BRWD1: variants seen among roughly 807,000 people sequenced by gnomAD.
BRWD1 encodes the protein bromodomain and WD repeat domain containing 1.
In BRWD1, 82 loss-of-function variants were observed where a neutral mutation model predicts 251.2. That is an observed-to-expected ratio of 0.33 (90% confidence interval 0.27 to 0.39). BRWD1 has a LOEUF of 0.39. Among genes scored for constraint, BRWD1 ranks in the 10% least tolerant of loss-of-function variants. The pLI is 1.00. For synonymous variants in BRWD1, 918 were observed against 902.8 expected (o/e 1.02, Z -0.30); for missense variants, 2,233 against 2,711.6 (o/e 0.82, Z 3.92).
At chr21:39,200,951 T>A (rs1346415746) in intron 38 of BRWD1, among the ~76,000 whole-genome samples, 2 of 152,196 alleles carry the variant, frequency 1.3e-5, no homozygotes, top group Non-Finnish European at 2.9e-5. Flanking sequence ...GCCACTGCAC[T>A]CCAGCCTGGG....
At chr21:39,204,630 C>T (rs2032302606) in intron 37 of BRWD1, among the ~76,000 whole-genome samples, 1 of 152,140 alleles carries the variant, frequency 6.6e-6, no homozygotes, top group Non-Finnish European at 1.5e-5. Context: ...TCACATTATT[C>T]TCTACATAGC....
intron 4 of BRWD1, among the ~76,000 whole-genome samples, chr21:39,306,446 G>A (rs542940063): frequency 6.6e-6 from 1 of 152,248 alleles, no homozygotes; most frequent in South Asian, 2.1e-4. Context: ...ATGTATACGA[G>A]TGGTAAAGAC....
chr21:39,274,231 T>C (rs2035206873), intron 13 of BRWD1, 143 bp downstream of exon 13: 1 of 646,630 alleles, frequency 1.5e-6, no homozygotes, highest in Non-Finnish European at 2.7e-6. Context: ...GCTATTCACT[T>C]ATACCACAGC....
At chr21:39,222,237 T>C (rs940821505) in intron 29 of BRWD1, among the ~76,000 whole-genome samples, 3 of 152,286 alleles carry the variant, frequency 2.0e-5, no homozygotes, top group African/African-American at 7.2e-5. Flanking sequence ...CACATGATAT[T>C]CACAGGAGGA....
At chr21:39,298,653 T>C in intron 4 of BRWD1, 71 bp from the exon 5 acceptor site, 1 of 1,289,018 alleles carries the variant, frequency 7.8e-7, no homozygotes, top group Non-Finnish European at 1.0e-6. Flanking sequence ...TAGGGATAAG[T>C]CTGGCAAAAT....
chr21:39,237,033 A>T (rs1045397060), intron 22 of BRWD1, among the ~76,000 whole-genome samples: 9 of 152,200 alleles, frequency 5.9e-5, no homozygotes, highest in Admixed American at 3.9e-4. Context: ...ACCCGAAAAA[A>T]AAAATTTAGG....
chr21:39,295,847 G>T lies in BRWD1; in HGVS notation c.505C>A (p.Pro169Thr). Residue 169 changes from proline (P) to threonine (T), a missense_variant, in exon 7 of 41, where the codon CCA becomes ACA. By Grantham distance (38) the Pro-to-Thr change is conservative (BLOSUM62 -1). Coordinates refer to ENST00000342449, the MANE Select transcript of BRWD1 (RefSeq NM_033656.4). ...TGCSTFSTAF[P>T]GTMYQHIKMH... The stretch of plus-strand genomic sequence containing the variant: ...TTTATATGCTGATACATAGTTCCTG[G>T]AAATGCTGTACTAAAAGTGGAACAC... 2 of 1,609,332 alleles carry T rather than the reference G, an allele frequency of 1.2e-6. No homozygotes were observed. Among genetic ancestry groups the T allele is most frequent in the Non-Finnish European group, 1.7e-6 (2 of 1,177,136 alleles).
At chr21:39,267,997 G>A (rs1246113094) in intron 15 of BRWD1, among the ~76,000 whole-genome samples, 1 of 152,148 alleles carries the variant, frequency 6.6e-6, no homozygotes, top group African/African-American at 2.4e-5. Context: ...CACACAGCAG[G>A]TAGCCCCTGA....
chr21:39,260,895 C>T (rs905746078), intron 17 of BRWD1, among the ~76,000 whole-genome samples: 4 of 152,192 alleles, frequency 2.6e-5, no homozygotes, highest in African/African-American at 9.7e-5. Context: ...CTCCAAAGAT[C>T]TGTAATGAGG....
In BRWD1 at chr21:39,189,513, A is replaced by T. The variant is rs543553249; in HGVS notation, c.*6746T>A. On this transcript the variant is annotated 3_prime_UTR_variant, in exon 41 of 41. Coordinates refer to ENST00000342449, the MANE Select transcript of BRWD1 (RefSeq NM_033656.4). ...AAAAAACTAAAATCAGGTTTTTAAA[A>T]AATACTTAAGGAAATTTGAACTTCA... The T allele has an allele frequency of 1.3e-5, 13 of 982,208 alleles. No individual in the cohort carries two copies. In the African/African-American group the frequency reaches 2.3e-4, roughly 17 times the overall value. The allele number at this position is 982,208 out of a possible 1,614,324, so 60.8% of individuals were successfully genotyped here.
chr21:39,263,186 T>C (rs1269643859), intron 17 of BRWD1, among the ~76,000 whole-genome samples: 2 of 152,178 alleles, frequency 1.3e-5, no homozygotes, highest in African/African-American at 4.8e-5. Flanking sequence ...ATAAAAGTAA[T>C]AAAAAATAAC....
Position 39,195,066 on chromosome 21 carries a change from C to T in BRWD1, c.*1193G>A, listed in dbSNP as rs149915536. 36 of 1,269,066 alleles carry T rather than the reference C, an allele frequency of 2.8e-5. No homozygotes were observed. The highest frequency in any genetic ancestry group is 6.1e-4 in the Middle Eastern group (2 of 3,254). 78.6% of individuals were successfully genotyped at this position (1,269,066 alleles called of 1,614,324 possible). A position where few individuals can be genotyped will look rare whatever the true frequency, so the allele number is the denominator to read the frequency against. On this transcript the variant is annotated 3_prime_UTR_variant, in exon 41 of 41. Coordinates refer to ENST00000342449, the MANE Select transcript of BRWD1 (RefSeq NM_033656.4). ...ATAAGTGTACTATTTGTGTGATAAACTTTCACTTTAAATGGATTATAAAAT... is the reference window on the plus strand; with the variant it reads ...ATAAGTGTACTATTTGTGTGATAAATTTTCACTTTAAATGGATTATAAAAT...
At chr21:39,313,202 G>GGAC in intron 2 of BRWD1, 39 bp downstream of exon 2, 1 of 1,522,226 alleles carries the variant, frequency 6.6e-7, no homozygotes, top group Non-Finnish European at 8.8e-7. Flanking sequence ...GGGACACTGG[G>GGAC]GACGCCAAGT....
intron 17 of BRWD1, among the ~76,000 whole-genome samples, chr21:39,259,318 C>G (rs1038836981): frequency 2.6e-5 from 4 of 152,086 alleles, no homozygotes; most frequent in African/African-American, 9.7e-5. Context: ...GAGACGGAGT[C>G]TCACTTTTGT....
Position 39,288,552 on chromosome 21 carries a change from G to A in BRWD1, c.831+5259C>T, listed in dbSNP as rs191162752. Among the ~76,000 whole-genome samples the A allele has an allele frequency of 2.0e-5, 3 of 152,272 alleles. No individual in the cohort carries two copies. In the East Asian group the frequency reaches 5.8e-4, roughly 29 times the overall value. ...TACAGTTAGTTGACCCTTGAACAAC[G>A]CAGGGGTTAGGGTACCAAACCCCCC... On this transcript the variant is annotated intron_variant, in intron 8 of 40. Transcript: ENST00000342449.
In BRWD1 at chr21:39,236,600, T is replaced by C. The variant is rs755386307; in HGVS notation, c.2761A>G (p.Lys921Glu). 1.3e-6 allele frequency: 2 copies of C among 1,599,384 alleles called. No individual in the cohort carries two copies. The highest frequency in any genetic ancestry group is 2.7e-5 in the African/African-American group (2 of 74,472). The stretch of plus-strand genomic sequence containing the variant: ...TAAAGATACGTTTTTCTTACCTCCT[T>C]CTTAGGCTTATTTTCTTTCTTTCTC... ...RKRKKENKPK[K>E]ENLRRMTPAE... The change falls in exon 23 of 41, where the codon AAG (lysine) becomes GAG (glutamate). Residue 921 changes from lysine (K) to glutamate (E), a missense_variant. Coordinates refer to ENST00000342449, the MANE Select transcript of BRWD1 (RefSeq NM_033656.4).
chr21:39,247,291 C>A (rs2034228459), intron 21 of BRWD1, among the ~76,000 whole-genome samples: 1 of 152,148 alleles, frequency 6.6e-6, no homozygotes, highest in Non-Finnish European at 1.5e-5. Flanking sequence ...AGGTTATATA[C>A]CCCTTATCCA....
In BRWD1 at chr21:39,313,315, G is replaced by C; in HGVS notation, c.50-16C>G. 1 of 1,536,754 alleles carries C rather than the reference G, an allele frequency of 6.5e-7. No homozygotes were observed. Among genetic ancestry groups the C allele is most frequent in the Non-Finnish European group, 8.8e-7 (1 of 1,130,786 alleles). ...AAGTACAGCTCTGCGGGAAGACAAGGAGTCAGGTCAAGCCCCGGCGGGGAG... is the reference window on the plus strand; with the variant it reads ...AAGTACAGCTCTGCGGGAAGACAAGCAGTCAGGTCAAGCCCCGGCGGGGAG... On this transcript the variant is annotated splice_polypyrimidine_tract_variant and intron_variant, in intron 1 of 40. Coordinates refer to ENST00000342449, the MANE Select transcript of BRWD1 (RefSeq NM_033656.4).
intron 4 of BRWD1, among the ~76,000 whole-genome samples, chr21:39,307,668 C>T (rs1419155980): frequency 6.6e-6 from 1 of 152,112 alleles, no homozygotes; most frequent in Non-Finnish European, 1.5e-5. Context: ...TGACTTGGAA[C>T]TTGGGTGCAC....
Sources: allele counts gnomAD v4.1 joint callset (sites outside exome capture counted in the v4.1 genomes callset), GRCh38; gene constraint gnomAD v4.1.1; transcripts MANE v1.5; gene names NCBI Gene and HGNC (gene_info 2026-07-23, HGNC 2026-07-21).